The following ANKS1B variants were observed in gnomAD, a reference collection of about 807,000 sequenced individuals.
The protein encoded by ANKS1B is ankyrin repeat and sterile alpha motif domain containing 1B.
A neutral mutation model predicts 148.3 loss-of-function variants in ANKS1B; 36 were observed. The observed-to-expected ratio is 0.24, with a 90% CI of 0.19 to 0.32. The LOEUF (loss-of-function observed/expected upper bound fraction) is 0.32. Among genes scored for constraint, ANKS1B ranks in the 10% least tolerant of loss-of-function variants. The probability of loss-of-function intolerance (pLI) is 1.00; values close to 1 mark genes in which losing one functional copy is unlikely to be tolerated. For missense variants in ANKS1B, 1,157 were observed against 1,542.6 expected (o/e 0.75, Z 4.19); for synonymous variants, 542 against 560.8 (o/e 0.97, Z 0.47).
Position 99,806,391 on chromosome 12 carries a change from A to G in ANKS1B, c.669+13T>C, listed in dbSNP as rs776816224. 9.9e-5 allele frequency: 160 copies of G among 1,612,576 alleles called. No individual in the cohort carries two copies. In the Admixed American group the frequency reaches 2.7e-3, roughly 27 times the overall value. ...CATCATCACTTTTAAAGCATAGCTA[A>G]AAGCACACTCACTTGACAGCTCACA... is the stretch of plus-strand genomic sequence containing the variant. On this transcript the variant is annotated intron_variant, in intron 4 of 26. Coordinates refer to ENST00000683438, the MANE Select transcript of ANKS1B (RefSeq NM_001352186.2).
intron 16 of ANKS1B, among the ~76,000 whole-genome samples, chr12:99,063,539 A>G (rs946231729): frequency 5.3e-5 from 8 of 152,244 alleles, no homozygotes; most frequent in Non-Finnish European, 8.8e-5. Context: ...ACGAGGCCCC[A>G]GAAAAAAGTC....
chr12:98,808,916 A>G (rs541884487), intron 19 of ANKS1B, among the ~76,000 whole-genome samples: 12 of 152,372 alleles, frequency 7.9e-5, no homozygotes, highest in African/African-American at 2.9e-4. Flanking sequence ...GAAGGCAAGC[A>G]CATAACCATA....
intron 15 of ANKS1B, among the ~76,000 whole-genome samples, chr12:99,137,254 A>T (rs941369718): frequency 2.6e-5 from 4 of 152,162 alleles, no homozygotes; most frequent in Non-Finnish European, 4.4e-5. Context: ...TTCTAACAGG[A>T]TCTTTGACAC....
intron 14 of ANKS1B, among the ~76,000 whole-genome samples, chr12:99,242,333 CA>C (rs1244600697): frequency 3.3e-5 from 5 of 152,176 alleles, no homozygotes; most frequent in African/African-American, 1.2e-4. Context: ...ATCCAATTTA[CA>C]AGGGATGTGA....
chr12:98,794,220 C>T (rs1167838149), intron 22 of ANKS1B, among the ~76,000 whole-genome samples: 2 of 151,528 alleles, frequency 1.3e-5, no homozygotes, highest in Non-Finnish European at 2.9e-5. Flanking sequence ...GGTGAAACCC[C>T]GTCTCTACTA....
At chr12:99,542,806 T>C (rs768126969) in intron 9 of ANKS1B, among the ~76,000 whole-genome samples, 5 of 152,084 alleles carry the variant, frequency 3.3e-5, no homozygotes, top group Non-Finnish European at 7.4e-5. Context: ...TGAAGTTGAA[T>C]ACCTACCTCA....
intron 10 of ANKS1B, among the ~76,000 whole-genome samples, chr12:99,491,801 T>G (rs917342308): frequency 6.6e-6 from 1 of 152,174 alleles, no homozygotes; most frequent in Non-Finnish European, 1.5e-5. Flanking sequence ...AACCTGCTCC[T>G]GAACGACTTT....
intron 8 of ANKS1B, among the ~76,000 whole-genome samples, chr12:99,658,675 TTA>T (rs1480098139): frequency 1.3e-5 from 2 of 152,162 alleles, no homozygotes; most frequent in East Asian, 3.9e-4. Context: ...TTATTAATCC[TTA>T]GTTTCCCTAT....
At chr12:99,821,789 T>G (rs7971435) in intron 2 of ANKS1B, among the ~76,000 whole-genome samples, 15,453 of 152,086 alleles carry the variant, frequency 0.1, 880 homozygotes, top group African/African-American at 0.13. Flanking sequence ...ATAATTCAGA[T>G]AGCCAAGAAG....
chr12:99,621,113 A>G (rs2098042844), intron 9 of ANKS1B, among the ~76,000 whole-genome samples: 1 of 152,172 alleles, frequency 6.6e-6, no homozygotes, highest in South Asian at 2.1e-4. Flanking sequence ...TAAAGAAAAG[A>G]AATTCCAACC....
chr12:99,084,535 C>T (rs1476979809), intron 16 of ANKS1B, among the ~76,000 whole-genome samples: 1 of 152,110 alleles, frequency 6.6e-6, no homozygotes, highest in African/African-American at 2.4e-5. Flanking sequence ...TGGCAAAATC[C>T]CATCTCTACT....
chr12:98,801,442 GAC>G lies in ANKS1B; in HGVS notation c.3142-319_3142-318del, dbSNP rs2153593398. ...ACAATTTTCCATCACAACAGCAAAG[GAC>G]ACACAATCTTTAAAAGAATTTTGTT... On this transcript the variant is annotated intron_variant, in intron 20 of 26. Transcript: ENST00000683438. The surrounding 1 kb of genome is among the most constrained non-coding windows in gnomAD (Gnocchi z 5.2). Among the ~76,000 whole-genome samples, 2 of 152,210 alleles carry G rather than the reference GAC, an allele frequency of 1.3e-5. No individual in the cohort carries two copies. Among genetic ancestry groups the G allele is most frequent in the East Asian group, 3.9e-4 (2 of 5,184 alleles).
At chr12:99,560,660 CAATGTACATACCTT>C (rs1360681748) in intron 9 of ANKS1B, among the ~76,000 whole-genome samples, 2 of 152,014 alleles carry the variant, frequency 1.3e-5, no homozygotes, top group Non-Finnish European at 2.9e-5. Context: ...TCTATAAAAG[CAATGTACATACCTT>C]AATTTAAAAA....
intron 12 of ANKS1B, among the ~76,000 whole-genome samples, chr12:99,332,564 T>G (rs903242688): frequency 7.2e-5 from 11 of 151,942 alleles, no homozygotes; most frequent in Admixed American, 5.9e-4. Context: ...GTGTCATGGT[T>G]TTAATGCTAA....
chr12:99,268,936 G>A (rs950042839), intron 12 of ANKS1B, among the ~76,000 whole-genome samples: 8 of 152,172 alleles, frequency 5.3e-5, no homozygotes, highest in African/African-American at 1.9e-4. Flanking sequence ...AACATGGAAA[G>A]CAAAATGAAA....
chr12:99,244,752 C>G (rs1269016031), intron 13 of ANKS1B, among the ~76,000 whole-genome samples: 1 of 152,212 alleles, frequency 6.6e-6, no homozygotes, highest in Non-Finnish European at 1.5e-5. Context: ...GTGACAAAGT[C>G]TCTGCTCTCT....
intron 8 of ANKS1B, among the ~76,000 whole-genome samples, chr12:99,765,127 C>T (rs548938375): frequency 6.6e-5 from 10 of 152,304 alleles, no homozygotes; most frequent in East Asian, 1.9e-4. Context: ...ATTGGACATA[C>T]ATTCAGATCC....
chr12:99,047,509 C>CA (rs1311909199), intron 17 of ANKS1B, among the ~76,000 whole-genome samples: 6 of 151,930 alleles, frequency 3.9e-5, no homozygotes, highest in African/African-American at 1.5e-4. Flanking sequence ...AGAAAACATG[C>CA]AAAAAATGAT....
At chr12:99,858,045 T>C (rs998386596) in intron 1 of ANKS1B, among the ~76,000 whole-genome samples, 4 of 151,972 alleles carry the variant, frequency 2.6e-5, no homozygotes, top group Non-Finnish European at 5.9e-5. Context: ...GGGACTTAAT[T>C]AAACCAAAAA....
Sources: gnomAD v4.1 joint callset for allele counts (sites outside exome capture counted in the v4.1 genomes callset) on GRCh38, gnomAD v4.1.1 for gene constraint, Gnocchi (gnomAD v3.1) non-coding constraint, MANE v1.5 for transcripts, NCBI Gene and HGNC (gene_info 2026-07-23, HGNC 2026-07-21) for gene names.